PDE3B: variants seen among roughly 807,000 people sequenced by gnomAD.
PDE3B encodes the protein phosphodiesterase 3B.
In PDE3B, 66 loss-of-function variants were observed where a neutral mutation model predicts 116.8. The observed-to-expected ratio is 0.56, with a 90% CI of 0.46 to 0.69. The LOEUF (loss-of-function observed/expected upper bound fraction) is 0.69. Among genes scored for constraint, PDE3B ranks in the 30% least tolerant of loss-of-function variants. The pLI is 0.00. For synonymous variants in PDE3B, 595 were observed against 533.6 expected (o/e 1.12, Z -1.59); for missense variants, 1,384 against 1,368.1 (o/e 1.01, Z -0.18).
chr11:14,731,654 A>G (rs1004241991), intron 1 of PDE3B, among the ~76,000 whole-genome samples: 7 of 152,202 alleles, frequency 4.6e-5, no homozygotes, highest in Admixed American at 4.6e-4. Flanking sequence ...AAAATGACAT[A>G]GTTATAAGGC....
chr11:14,663,338 C>T (rs1325422546), intron 1 of PDE3B, among the ~76,000 whole-genome samples: 11 of 152,088 alleles, frequency 7.2e-5, no homozygotes, highest in Non-Finnish European at 1.6e-4. Flanking sequence ...CAACCGGTAC[C>T]AGCCCCTGCA....
the PDE3B span, among the ~76,000 whole-genome samples, chr11:14,883,749 C>T: frequency 6.6e-6 from 1 of 151,848 alleles, no homozygotes; most frequent in South Asian, 2.1e-4. Flanking sequence ...GAACAGGCAA[C>T]CTACAAAATG....
intron 8 of PDE3B, 101 bp downstream of exon 8, chr11:14,830,947 G>A: frequency 1.6e-6 from 1 of 643,452 alleles, no homozygotes; most frequent in Non-Finnish European, 2.3e-6. Flanking sequence ...TAATATAGTA[G>A]TATTTTTTAA....
At chr11:14,738,918 A>G (rs1291033070) in intron 1 of PDE3B, among the ~76,000 whole-genome samples, 1 of 151,946 alleles carries the variant, frequency 6.6e-6, no homozygotes, top group Non-Finnish European at 1.5e-5. Context: ...TTGCAGATAT[A>G]TGGTATTATT....
At chr11:14,703,550 T>C (rs536288659) in intron 1 of PDE3B, among the ~76,000 whole-genome samples, 4 of 151,718 alleles carry the variant, frequency 2.6e-5, no homozygotes, top group African/African-American at 9.7e-5. Flanking sequence ...TACTAGTTTA[T>C]TGAGAAATTT....
At chr11:14,876,370 A>G (rs1236251399), downstream of PDE3B, among the ~76,000 whole-genome samples, 5 of 152,118 alleles carry the variant, frequency 3.3e-5, no homozygotes, top group Admixed American at 6.6e-5. Flanking sequence ...TTAAAGAAAG[A>G]TTCAAGAAGG....
chr11:14,738,361 A>G (rs1405960249), intron 1 of PDE3B, among the ~76,000 whole-genome samples: 2 of 152,174 alleles, frequency 1.3e-5, no homozygotes, highest in Admixed American at 1.3e-4. Flanking sequence ...GCATTTCTCT[A>G]ATGACCAGTG....
intron 1 of PDE3B, among the ~76,000 whole-genome samples, chr11:14,754,966 G>T (rs1440697500): frequency 6.6e-6 from 1 of 152,010 alleles, no homozygotes; most frequent in Admixed American, 6.6e-5. Context: ...TGTACTTTTT[G>T]AGCTCAGGAC....
At chr11:14,892,023 A>C in the PDE3B span, 2 of 1,613,256 alleles carry the variant, frequency 1.2e-6, no homozygotes, top group Non-Finnish European at 1.7e-6. Context: ...AGACATGGGG[A>C]AGCTCGGATG....
intron 1 of PDE3B, among the ~76,000 whole-genome samples, chr11:14,688,764 T>A (rs1482710931): frequency 6.6e-6 from 1 of 152,052 alleles, no homozygotes; most frequent in Non-Finnish European, 1.5e-5. Context: ...ATATTTGGTT[T>A]TTTTGTTGTT....
chr11:14,660,879 C>G (rs1025797912), intron 1 of PDE3B, among the ~76,000 whole-genome samples: 1 of 152,086 alleles, frequency 6.6e-6, no homozygotes, highest in African/African-American at 2.4e-5. Context: ...TGACACTTCT[C>G]AAAAGAAGAC....
chr11:14,653,999 A>T (rs1853637183), intron 1 of PDE3B, among the ~76,000 whole-genome samples: 1 of 152,180 alleles, frequency 6.6e-6, no homozygotes, highest in Admixed American at 6.5e-5. Flanking sequence ...CTCTGTCTCA[A>T]GAAAAATCCC....
intron 1 of PDE3B, chr11:14,674,505 C>G: frequency 1.8e-6 from 1 of 541,744 alleles, no homozygotes; most frequent in Non-Finnish European, 3.6e-6. Flanking sequence ...GAAAGCACAG[C>G]ACTCACTCAA....
the PDE3B span, chr11:14,885,971 T>C: frequency 7.0e-6 from 11 of 1,566,508 alleles, no homozygotes; most frequent in Non-Finnish European, 9.7e-6. Context: ...TGGAGAAATA[T>C]AACCATGGAA....
chr11:14,727,986 G>A lies in PDE3B; in HGVS notation c.979-43951G>A, dbSNP rs112458393. 4.5e-3 allele frequency among the ~76,000 whole-genome samples: 684 copies of A among 152,056 alleles called. 9 individuals carry two copies. The highest frequency in any genetic ancestry group is 0.016 in the African/African-American group (668 of 41,504). On this transcript the variant is annotated intron_variant, in intron 1 of 15. Coordinates refer to ENST00000282096, the MANE Select transcript of PDE3B (RefSeq NM_000922.4). ...GCATGCTTATAGGCATCGTTGAAAA[G>A]GAATGTTAGAACTGTTTATGTGATA...
chr11:14,674,569 G>T (rs1272957574), intron 1 of PDE3B: 4 of 366,998 alleles, frequency 1.1e-5, no homozygotes, highest in South Asian at 7.3e-5. Flanking sequence ...TAAGTGATTT[G>T]CTGTCTCCTC....
At chr11:14,768,645 T>C (rs1857559487) in intron 1 of PDE3B, among the ~76,000 whole-genome samples, 1 of 151,512 alleles carries the variant, frequency 6.6e-6, no homozygotes, top group African/African-American at 2.4e-5. Context: ...AGTTTTTTGC[T>C]ACCCTAAGCT....
At chr11:14,805,362 G>C (rs536568026) in intron 5 of PDE3B, among the ~76,000 whole-genome samples, 38 of 152,266 alleles carry the variant, frequency 2.5e-4, no homozygotes, top group Non-Finnish European at 4.6e-4. Flanking sequence ...AATAAAACTT[G>C]ACAGCATAGA....
chr11:14,782,639 C>T (rs552578330), intron 2 of PDE3B, among the ~76,000 whole-genome samples: 1 of 152,160 alleles, frequency 6.6e-6, no homozygotes, highest in South Asian at 2.1e-4. Context: ...AAACGTTAGA[C>T]CTAAAACCGT....
Sources: allele counts gnomAD v4.1 joint callset (sites outside exome capture counted in the v4.1 genomes callset), GRCh38; gene constraint gnomAD v4.1.1; transcripts MANE v1.5; gene names NCBI Gene and HGNC (gene_info 2026-07-23, HGNC 2026-07-21).